TBC1D22A: variants seen among roughly 807,000 people sequenced by gnomAD.
The protein encoded by TBC1D22A is putative GTPase activator.
In TBC1D22A, 38 loss-of-function variants were observed where a neutral mutation model predicts 60.2. That is an observed-to-expected ratio of 0.63 (90% CI 0.49 to 0.83). The LOEUF is 0.83. Among genes scored for constraint, TBC1D22A ranks in the 40% least tolerant of loss-of-function variants. The pLI is 0.00. For missense variants in TBC1D22A, 628 were observed against 701.0 expected, an observed-to-expected ratio of 0.90 and a Z score of 1.18; for synonymous variants, 302 against 281.7, an observed-to-expected ratio of 1.07 and a Z score of -0.72.
At chr22:46,780,946 T>G (rs1001382630) in intron 1 of TBC1D22A, among the ~76,000 whole-genome samples, 4 of 152,144 alleles carry the variant, frequency 2.6e-5, no homozygotes, top group Non-Finnish European at 5.9e-5. Context: ...TTTTTTAAAT[T>G]TAAGCTTTTC....
intron 10 of TBC1D22A, among the ~76,000 whole-genome samples, chr22:47,004,214 C>T (rs1053431602): frequency 1.0e-4 from 15 of 146,070 alleles, no homozygotes; most frequent in African/African-American, 3.2e-4. Context: ...TACACACACC[C>T]CTACACACAC....
In TBC1D22A at chr22:46,906,178, A is replaced by G. The variant is rs550367578; in HGVS notation, c.901-5896A>G. 4.8e-4 allele frequency among the ~76,000 whole-genome samples: 73 copies of G among 152,196 alleles called. No individual in the cohort carries two copies. In the East Asian group the frequency reaches 0.014, roughly 29 times the overall value. On this transcript the variant is annotated intron_variant, in intron 7 of 12. Coordinates refer to ENST00000337137, the MANE Select transcript of TBC1D22A (RefSeq NM_014346.5). ...CTGCAGGAAATTCAAGCAGTTATTT[A>G]CCTTTTCTTCCCTACTGCTACCCAA...
At chr22:47,121,576 T>C (rs947753651) in intron 12 of TBC1D22A, among the ~76,000 whole-genome samples, 3 of 152,154 alleles carry the variant, frequency 2.0e-5, no homozygotes, top group African/African-American at 4.8e-5. Context: ...ACATATGTAA[T>C]ACAGATAAAA....
chr22:46,953,663 T>C (rs1212685294), intron 8 of TBC1D22A, among the ~76,000 whole-genome samples: 1 of 152,244 alleles, frequency 6.6e-6, no homozygotes, highest in Non-Finnish European at 1.5e-5. Context: ...TTATTCCCAG[T>C]CCTTTAACAC....
intron 8 of TBC1D22A, among the ~76,000 whole-genome samples, chr22:46,953,718 G>T (rs1272277146): frequency 6.6e-6 from 1 of 152,176 alleles, no homozygotes; most frequent in Non-Finnish European, 1.5e-5. Context: ...CGGATTGGAA[G>T]TCTTTTGTCA....
At chr22:47,169,256 C>G (rs531732019) in intron 12 of TBC1D22A, among the ~76,000 whole-genome samples, 50 of 152,314 alleles carry the variant, frequency 3.3e-4, no homozygotes, top group South Asian at 1.4e-3. Context: ...CCCCACCGGC[C>G]CTCAACTTCA....
At chr22:47,140,716 AGCCTGGCCCTGGCG>A (rs943880106) in intron 12 of TBC1D22A, among the ~76,000 whole-genome samples, 7 of 152,234 alleles carry the variant, frequency 4.6e-5, no homozygotes, top group African/African-American at 1.4e-4. Context: ...AGGCCCTGAA[AGCCTGGCCCTGGCG>A]GCTTGGGCCT....
At chr22:47,031,224 G>T (rs186998252) in intron 10 of TBC1D22A, among the ~76,000 whole-genome samples, 7 of 152,330 alleles carry the variant, frequency 4.6e-5, no homozygotes, top group Admixed American at 3.3e-4. Flanking sequence ...CAGGCAGAAG[G>T]CCAGGCACTC....
At chr22:47,126,826 G>T (rs186014718) in intron 12 of TBC1D22A, among the ~76,000 whole-genome samples, 1 of 152,322 alleles carries the variant, frequency 6.6e-6, no homozygotes, top group East Asian at 1.9e-4. Context: ...AAGGGTGGGC[G>T]GGACTGTGAG....
chr22:46,912,291 A>G (rs992161351), intron 8 of TBC1D22A, 103 bp downstream of exon 8: 5 of 781,742 alleles, frequency 6.4e-6, no homozygotes, highest in Non-Finnish European at 1.0e-5. Context: ...GTGTAATGTT[A>G]TTAATGATAG....
chr22:47,017,548 C>A (rs1175703210), intron 10 of TBC1D22A, among the ~76,000 whole-genome samples: 2 of 152,180 alleles, frequency 1.3e-5, no homozygotes, highest in Non-Finnish European at 2.9e-5. Context: ...CACATGCGCT[C>A]TGCCCTCCCT....
At chr22:46,815,945 G>A (rs1198663125) in intron 4 of TBC1D22A, among the ~76,000 whole-genome samples, 3 of 152,162 alleles carry the variant, frequency 2.0e-5, no homozygotes, top group Non-Finnish European at 4.4e-5. Flanking sequence ...ACCTGCGTGC[G>A]CCATGGGCAG....
intron 12 of TBC1D22A, among the ~76,000 whole-genome samples, chr22:47,162,370 C>T (rs563772264): frequency 6.6e-6 from 1 of 152,186 alleles, no homozygotes; most frequent in East Asian, 1.9e-4. Flanking sequence ...CTCAGGTCCC[C>T]GTGGCATTGA....
At chr22:46,894,741 T>C (rs754752083) in intron 6 of TBC1D22A, 43 bp from the exon 7 acceptor site, 3 of 1,608,966 alleles carry the variant, frequency 1.9e-6, no homozygotes, top group Non-Finnish European at 2.6e-6. Context: ...TAATGATGTT[T>C]GTTGTGACGT....
chr22:47,125,326 C>A (rs1445226018), intron 12 of TBC1D22A, among the ~76,000 whole-genome samples: 1 of 152,208 alleles, frequency 6.6e-6, no homozygotes, highest in African/African-American at 2.4e-5. Flanking sequence ...TTCTCAGAAG[C>A]CGGCACAGCT....
chr22:46,771,687 C>T (rs1041356764), intron 1 of TBC1D22A, among the ~76,000 whole-genome samples: 8 of 151,778 alleles, frequency 5.3e-5, no homozygotes, highest in South Asian at 4.2e-4. Flanking sequence ...CTCTGCCTCC[C>T]GGGTTCAGGT....
At chr22:47,092,696 A>G (rs1438850324) in intron 11 of TBC1D22A, among the ~76,000 whole-genome samples, 1 of 151,940 alleles carries the variant, frequency 6.6e-6, no homozygotes, top group Non-Finnish European at 1.5e-5. Flanking sequence ...CCCCACACTT[A>G]CTCCTTCTCT....
At chr22:46,951,663 G>A (rs1273618355) in intron 8 of TBC1D22A, among the ~76,000 whole-genome samples, 4 of 152,222 alleles carry the variant, frequency 2.6e-5, no homozygotes, top group African/African-American at 9.6e-5. Context: ...GTTACAGCGA[G>A]GTGTAAAGTG....
chr22:47,132,512 C>T (rs4823594), intron 12 of TBC1D22A, among the ~76,000 whole-genome samples: 43,390 of 126,940 alleles, frequency 0.34, 6,892 homozygotes, highest in East Asian at 0.69. Flanking sequence ...GTCCCTGCAC[C>T]GCCCCGCCCT....
Sources: gnomAD v4.1 joint callset for allele counts (sites outside exome capture counted in the v4.1 genomes callset) on GRCh38, gnomAD v4.1.1 for gene constraint, MANE v1.5 for transcripts, NCBI Gene and HGNC (gene_info 2026-07-23, HGNC 2026-07-21) for gene names.